Variants in YPEL1 observed in about 807,000 individuals in gnomAD.
YPEL1 encodes yippee like 1.
YPEL1 carries 7 observed loss-of-function variants against 17.3 expected under a neutral mutation model. That is an observed-to-expected ratio of 0.40 (90% CI 0.23 to 0.76). YPEL1 has a LOEUF of 0.76. Among genes scored for constraint, YPEL1 ranks in the 30% least tolerant of loss-of-function variants. The pLI is 0.35. For synonymous variants in YPEL1, 59 were observed against 59.6 expected, an observed-to-expected ratio of 0.99 and a Z score of 0.05; for missense variants, 91 against 155.5, an observed-to-expected ratio of 0.59 and a Z score of 2.21.
At chr22:21,731,186 T>C (rs533741123) in intron 1 of YPEL1, among the ~76,000 whole-genome samples, 201 of 152,026 alleles carry the variant, frequency 1.3e-3, no homozygotes, top group African/African-American at 4.7e-3. Context: ...GAGACCAGCC[T>C]GGGCAACATG....
At chr22:21,720,870 G>A (rs541254421) in intron 1 of YPEL1, among the ~76,000 whole-genome samples, 1 of 142,882 alleles carries the variant, frequency 7.0e-6, no homozygotes, top group South Asian at 2.3e-4. Flanking sequence ...GTGCAGTGGT[G>A]TGATCTCAGC....
chr22:21,717,640 A>T (rs2068240333), intron 1 of YPEL1, among the ~76,000 whole-genome samples: 1 of 152,220 alleles, frequency 6.6e-6, no homozygotes. Flanking sequence ...CAAATAATGA[A>T]ACTGCAAAAC....
At chr22:21,717,178 C>A (rs189033110) in intron 1 of YPEL1, among the ~76,000 whole-genome samples, 6 of 152,024 alleles carry the variant, frequency 3.9e-5, no homozygotes, top group South Asian at 4.1e-4. Flanking sequence ...GAGTTCGAGA[C>A]CAGCCTGGCC....
At chr22:21,729,849 T>A (rs1775340708) in intron 1 of YPEL1, among the ~76,000 whole-genome samples, 1 of 152,004 alleles carries the variant, frequency 6.6e-6, no homozygotes, top group African/African-American at 2.4e-5. Context: ...AGAAACCACC[T>A]CAAGTTTAAC....
intron 1 of YPEL1, among the ~76,000 whole-genome samples, chr22:21,726,454 AGGCGG>A (rs1253301124): frequency 1.3e-5 from 2 of 152,174 alleles, no homozygotes; most frequent in African/African-American, 4.8e-5. Context: ...ACAGTCCCAC[AGGCGG>A]GTACTCAATC....
At chr22:21,704,964 T>C (rs932802142) in intron 2 of YPEL1, among the ~76,000 whole-genome samples, 2 of 151,854 alleles carry the variant, frequency 1.3e-5, no homozygotes, top group African/African-American at 2.4e-5. Context: ...ATCAAAAATT[T>C]TGGGGGGAGT....
Position 21,697,852 on chromosome 22 carries a change from T to C in YPEL1, c.*3277A>G, listed in dbSNP as rs1222495674. The C allele has an allele frequency of 1.3e-5, 2 of 152,384 alleles. No individual in the cohort carries two copies. The highest frequency in any genetic ancestry group is 4.8e-5 in the African/African-American group (2 of 41,454). The allele number at this position is 152,384 out of a possible 1,614,324, so 9.4% of individuals were successfully genotyped here. On this transcript the variant is annotated 3_prime_UTR_variant, in exon 5 of 5. Coordinates refer to ENST00000339468, the MANE Select transcript of YPEL1 (RefSeq NM_013313.5). ...GTAGTTTTTTAGCTATTAAAACCAT[T>C]TGAATTTTTAACGACCTGATGAGGG... is the stretch of plus-strand genomic sequence containing the variant.
At chr22:21,705,772 T>G (rs954078480) in intron 2 of YPEL1, among the ~76,000 whole-genome samples, 2 of 149,262 alleles carry the variant, frequency 1.3e-5, no homozygotes, top group Non-Finnish European at 1.5e-5. Context: ...AGCTCAGGAG[T>G]TCGAGAGCCA....
intron 2 of YPEL1, among the ~76,000 whole-genome samples, chr22:21,709,963 T>C (rs1466763200): frequency 6.6e-6 from 1 of 152,150 alleles, no homozygotes; most frequent in Non-Finnish European, 1.5e-5. Flanking sequence ...TGTCATGACC[T>C]GAGGATGGGT....
intron 1 of YPEL1, among the ~76,000 whole-genome samples, chr22:21,721,587 C>A (rs1356125642): frequency 1.3e-5 from 2 of 152,134 alleles, no homozygotes; most frequent in East Asian, 1.9e-4. Context: ...CCATGACTGG[C>A]TAATTTTTAT....
intron 1 of YPEL1, among the ~76,000 whole-genome samples, chr22:21,717,094 G>C (rs1028572097): frequency 1.3e-5 from 2 of 151,172 alleles, no homozygotes; most frequent in Admixed American, 1.3e-4. Context: ...GGCCGGGCGC[G>C]CTGGCTCACG....
intron 2 of YPEL1, among the ~76,000 whole-genome samples, chr22:21,708,331 CTTTTTTT>C (rs775485136): frequency 1.2e-4 from 12 of 102,128 alleles, no homozygotes; most frequent in Admixed American, 5.9e-4. Flanking sequence ...AGGCTTCTGC[CTTTTTTT>C]TTTTTTTTTT....
chr22:21,701,028 C>A lies in YPEL1; in HGVS notation c.*101G>T. ...GCTATGCGCAGCTAGCCTTTGAGGT[C>A]AGAGGGCAAGAAAGGCTGTCACCAG... is the stretch of plus-strand genomic sequence containing the variant. On this transcript the variant is annotated 3_prime_UTR_variant, in exon 5 of 5. Transcript: ENST00000339468. The A allele has an allele frequency of 9.4e-7, 1 of 1,060,154 alleles. No individual in the cohort carries two copies. The highest frequency in any genetic ancestry group is 1.4e-5 in the South Asian group (1 of 71,636). The allele number at this position is 1,060,154 out of a possible 1,614,324, so 65.7% of individuals were successfully genotyped here. A position where few individuals can be genotyped will look rare whatever the true frequency, so the allele number is the denominator to read the frequency against.
At chr22:21,720,813 GT>G (rs60040471) in intron 1 of YPEL1, among the ~76,000 whole-genome samples, 16,847 of 120,272 alleles carry the variant, frequency 0.14, 1,077 homozygotes, top group Middle Eastern at 0.2. Context: ...GGCCGATTTT[GT>G]TTTTTTTTTT....
At chr22:21,728,769 G>A (rs1601643628) in intron 1 of YPEL1, among the ~76,000 whole-genome samples, 3 of 152,242 alleles carry the variant, frequency 2.0e-5, no homozygotes, top group Admixed American at 2.0e-4. Flanking sequence ...CAGCACTTTG[G>A]GAACCCAAGG....
intron 2 of YPEL1, among the ~76,000 whole-genome samples, chr22:21,707,198 A>G (rs1162314526): frequency 1.3e-5 from 2 of 152,160 alleles, no homozygotes; most frequent in African/African-American, 2.4e-5. Context: ...TGGGAGGATC[A>G]CTTGAGGCCA....
chr22:21,731,088 G>C (rs1403523948), intron 1 of YPEL1, among the ~76,000 whole-genome samples: 1 of 152,108 alleles, frequency 6.6e-6, no homozygotes, highest in Non-Finnish European at 1.5e-5. Context: ...CTAACAACAA[G>C]AAGAGGGGGC....
intron 1 of YPEL1, among the ~76,000 whole-genome samples, chr22:21,711,292 C>T (rs906832635): frequency 2.6e-5 from 4 of 152,192 alleles, no homozygotes; most frequent in Non-Finnish European, 4.4e-5. Context: ...ACTGCTTAAC[C>T]ACTTTACATT....
At chr22:21,733,462 G>A (rs1453360894) in intron 1 of YPEL1, among the ~76,000 whole-genome samples, 1 of 151,486 alleles carries the variant, frequency 6.6e-6, no homozygotes, top group Non-Finnish European at 1.5e-5. Context: ...AACTGGGGGT[G>A]GTGGCTCACA....
Sources: gnomAD v4.1 joint callset for allele counts (sites outside exome capture counted in the v4.1 genomes callset) on GRCh38, gnomAD v4.1.1 for gene constraint, MANE v1.5 for transcripts, NCBI Gene and HGNC (gene_info 2026-07-23, HGNC 2026-07-21) for gene names.